The following TMEM132B variants were observed in gnomAD, a reference collection of about 807,000 sequenced individuals.
TMEM132B encodes transmembrane protein 132B.
A neutral mutation model predicts 90.8 loss-of-function variants in TMEM132B; 18 were observed. That is an observed-to-expected ratio of 0.20 (90% CI 0.14 to 0.29). TMEM132B has a LOEUF of 0.29. Among genes scored for constraint, TMEM132B ranks in the 10% least tolerant of loss-of-function variants. The probability of loss-of-function intolerance (pLI) is 1.00; values close to 1 mark genes in which losing one functional copy is unlikely to be tolerated. For synonymous variants in TMEM132B, 504 were observed against 523.3 expected (o/e 0.96, Z 0.50); for missense variants, 1,096 against 1,326.8 (o/e 0.83, Z 2.70).
chr12:125,617,406 C>T (rs1886014594), intron 5 of TMEM132B, among the ~76,000 whole-genome samples: 1 of 147,720 alleles, frequency 6.8e-6, no homozygotes, highest in South Asian at 2.2e-4. Context: ...AGTGCAGTGG[C>T]GCCATCTCGG....
intron 3 of TMEM132B, among the ~76,000 whole-genome samples, chr12:125,451,927 G>A (rs1336529291): frequency 1.3e-5 from 2 of 152,182 alleles, no homozygotes; most frequent in Non-Finnish European, 2.9e-5. Context: ...TTATTCCCAT[G>A]GTGTGGTTCT....
chr12:125,212,271 C>T (rs1231222619), intron 1 of TMEM132B, among the ~76,000 whole-genome samples: 1 of 152,156 alleles, frequency 6.6e-6, no homozygotes, highest in Admixed American at 6.5e-5. Context: ...AGGATCTAGA[C>T]CTACTGAACC....
chr12:125,356,466 A>G (rs1219705476), intron 2 of TMEM132B, among the ~76,000 whole-genome samples: 1 of 152,186 alleles, frequency 6.6e-6, no homozygotes, highest in African/African-American at 2.4e-5. Context: ...CAGGCCAAAC[A>G]CCCAGTAACC....
At chr12:125,280,586 A>C (rs1025762898) in intron 1 of TMEM132B, among the ~76,000 whole-genome samples, 6 of 152,198 alleles carry the variant, frequency 3.9e-5, no homozygotes, top group Non-Finnish European at 7.3e-5. Flanking sequence ...CCGGAGGAGC[A>C]GCCCGTCTTC....
At chr12:125,618,869 G>A (rs1886052454) in intron 5 of TMEM132B, among the ~76,000 whole-genome samples, 1 of 152,086 alleles carries the variant, frequency 6.6e-6, no homozygotes, top group African/African-American at 2.4e-5. Context: ...AACCACTGAA[G>A]AAACATACTT....
intron 1 of TMEM132B, among the ~76,000 whole-genome samples, chr12:125,332,904 T>A (rs1876830914): frequency 6.6e-6 from 1 of 152,182 alleles, no homozygotes; most frequent in Non-Finnish European, 1.5e-5. Context: ...CTCTGAGCGA[T>A]TTCGGATTGC....
intron 1 of TMEM132B, among the ~76,000 whole-genome samples, chr12:125,239,159 GAGAA>G (rs1874007856): frequency 6.6e-6 from 1 of 152,128 alleles, no homozygotes; most frequent in African/African-American, 2.4e-5. Flanking sequence ...GAAAGAGAGA[GAGAA>G]AGAAAGATGA....
chr12:125,360,963 C>T (rs1877939289), intron 2 of TMEM132B, among the ~76,000 whole-genome samples: 1 of 151,994 alleles, frequency 6.6e-6, no homozygotes, highest in South Asian at 2.1e-4. Context: ...CTCTCCTGTA[C>T]AGTGAGAGTA....
chr12:125,432,280 T>C (rs1225777359), intron 3 of TMEM132B, among the ~76,000 whole-genome samples: 1 of 149,190 alleles, frequency 6.7e-6, no homozygotes, highest in Non-Finnish European at 1.5e-5. Flanking sequence ...ATAACCACTG[T>C]AATCACACAA....
intron 3 of TMEM132B, among the ~76,000 whole-genome samples, chr12:125,510,805 A>G (rs7304078): frequency 0.52 from 79,373 of 152,044 alleles, 21,356 homozygotes; most frequent in Middle Eastern, 0.76. Context: ...TATAGAAATA[A>G]TTATTGCATA....
chr12:125,414,832 T>C (rs1341690337), intron 2 of TMEM132B, among the ~76,000 whole-genome samples: 2 of 152,178 alleles, frequency 1.3e-5, no homozygotes, highest in Non-Finnish European at 2.9e-5. Flanking sequence ...AGGAGATGTT[T>C]TCTGGTTAGT....
chr12:125,332,545 A>G (rs1263327445), intron 1 of TMEM132B, among the ~76,000 whole-genome samples: 1 of 134,216 alleles, frequency 7.5e-6, no homozygotes, highest in African/African-American at 2.7e-5. Flanking sequence ...CGTCACGGGG[A>G]CCCTTATGTC....
chr12:125,369,826 A>G (rs1410962963), intron 2 of TMEM132B, among the ~76,000 whole-genome samples: 1 of 152,178 alleles, frequency 6.6e-6, no homozygotes, highest in East Asian at 1.9e-4. Context: ...GAGGTGGCGG[A>G]TCACCTGAGG....
rs1485404535 is a variant in TMEM132B, at chr12:125,432,524, T to G, written c.1106+16847T>G. ...ATATGTGTGTGTGTATATATATATA[T>G]ATATAGAGAGAGAGAGAGAGAGAGA... On this transcript the variant is annotated intron_variant, in intron 3 of 8. Transcript: ENST00000682704. Among the ~76,000 whole-genome samples, 115 of 61,208 alleles carry G rather than the reference T, an allele frequency of 1.9e-3. 18 individuals are homozygous for G. The Middle Eastern group carries it at 0.025, about 13-fold the overall frequency. 40.2% of individuals were successfully genotyped at this position (61,208 alleles called of 152,430 possible). A position where few individuals can be genotyped will look rare whatever the true frequency, so the allele number is the denominator to read the frequency against.
chr12:125,483,899 G>T (rs1347137175), intron 3 of TMEM132B, among the ~76,000 whole-genome samples: 1 of 152,168 alleles, frequency 6.6e-6, no homozygotes, highest in East Asian at 1.9e-4. Context: ...TGGGTCAGAG[G>T]TTGATCGGGT....
At chr12:125,439,846 G>A (rs7314837) in intron 3 of TMEM132B, among the ~76,000 whole-genome samples, 83,461 of 151,942 alleles carry the variant, frequency 0.55, 24,425 homozygotes, top group African/African-American at 0.77. Context: ...TGTTCCTTCA[G>A]TACCTAGTTT....
intron 3 of TMEM132B, among the ~76,000 whole-genome samples, chr12:125,493,801 G>A (rs536886919): frequency 7.3e-5 from 11 of 151,266 alleles, no homozygotes; most frequent in East Asian, 2.0e-4. Context: ...GGGAATGGCC[G>A]TGTCCCTCCT....
Position 125,654,603 on chromosome 12 carries a change from A to G in TMEM132B, c.3145A>G (p.Ile1049Val). Residue 1049 changes from isoleucine (I) to valine (V), a missense_variant, in exon 9 of 9, where the codon ATC becomes GTC. Coordinates refer to ENST00000682704, the MANE Select transcript of TMEM132B (RefSeq NM_001366854.1). The surrounding 1 kb of genome is among the most constrained non-coding windows in gnomAD (Gnocchi z 5.8). ...PEDGGPYTNSILFDSDDNIKW... is the reference protein window; with the variant it reads ...PEDGGPYTNSVLFDSDDNIKW... ...GGACGGCGGCCCATACACCAACTCC[A>G]TCCTGTTTGACAGCGATGATAACAT... 6.2e-7 allele frequency: 1 copy of G among 1,614,154 alleles called. No individual in the cohort carries two copies. Among genetic ancestry groups the G allele is most frequent in the Non-Finnish European group, 8.5e-7 (1 of 1,180,022 alleles).
In TMEM132B at chr12:125,511,708, C is replaced by T. The variant is rs947153691; in HGVS notation, c.1107-7731C>T. ...TCTACTAAAAATACAAAAAATTAGC[C>T]GGGTGTGGTGGCGGGCGCCTGTAGT... On this transcript the variant is annotated intron_variant, in intron 3 of 8. Transcript: ENST00000682704. Among the ~76,000 whole-genome samples, 16 of 151,668 alleles carry T rather than the reference C, an allele frequency of 1.1e-4. No homozygotes were observed. The East Asian group carries it at 2.3e-3, about 22-fold the overall frequency.
Sources: allele counts gnomAD v4.1 joint callset (sites outside exome capture counted in the v4.1 genomes callset), GRCh38; gene constraint gnomAD v4.1.1; non-coding constraint Gnocchi (gnomAD v3.1); transcripts MANE v1.5; gene names NCBI Gene and HGNC (gene_info 2026-07-23, HGNC 2026-07-21).